Variants in WDR27 observed in about 807,000 individuals in gnomAD.
WDR27 encodes the protein WD repeat-containing protein 27.
A neutral mutation model predicts 114.4 loss-of-function variants in WDR27; 100 were observed. The observed-to-expected ratio is 0.87, with a 90% CI of 0.74 to 1.03. The LOEUF (loss-of-function observed/expected upper bound fraction) is 1.03. Among genes scored for constraint, WDR27 ranks in the 50% least tolerant of loss-of-function variants. The pLI is 0.00. For missense variants in WDR27, 1,129 were observed against 1,092.9 expected, an observed-to-expected ratio of 1.03 and a Z score of -0.47; for synonymous variants, 449 against 423.1, an observed-to-expected ratio of 1.06 and a Z score of -0.75.
chr6:169,682,414 C>G (rs1313992852), intron 2 of WDR27, among the ~76,000 whole-genome samples: 1 of 152,338 alleles, frequency 6.6e-6, no homozygotes, highest in South Asian at 2.1e-4. Flanking sequence ...AGCCCCAGTA[C>G]CCACGCTGAG....
Position 169,651,178 on chromosome 6 carries a change from CGGGGCG to C in WDR27, c.1481+746_1481+751del, listed in dbSNP as rs1257589349. Among the ~76,000 whole-genome samples, 3 of 3,398 alleles carry C rather than the reference CGGGGCG, an allele frequency of 8.8e-4. No homozygotes were observed. The East Asian group carries it at 0.023, about 26-fold the overall frequency. The allele number at this position is 3,398 out of a possible 152,430, so 2.2% of individuals were successfully genotyped here. A position where few individuals can be genotyped will look rare whatever the true frequency, so the allele number is the denominator to read the frequency against. On this transcript the variant is annotated intron_variant, in intron 14 of 25. Coordinates refer to ENST00000448612, the MANE Select transcript of WDR27 (RefSeq NM_182552.5). ...GATTTCTGCCTGGAGCACAGCAGTG[CGGGGCG>C]GGGGGGGGGAGTGGGGGAGTGGGGG...
At chr6:169,438,485 C>G in the WDR27 span, among the ~76,000 whole-genome samples, 1 of 152,176 alleles carries the variant, frequency 6.6e-6, no homozygotes, top group Admixed American at 6.5e-5. Flanking sequence ...GATCTGCCCA[C>G]CTCGGCCTCC....
chr6:169,575,209 C>CCCAT (rs1802053493), intron 24 of WDR27, among the ~76,000 whole-genome samples: 1 of 151,034 alleles, frequency 6.6e-6, no homozygotes. Flanking sequence ...CATCCATCCA[C>CCCAT]CCATCCATCC....
chr6:169,427,928 A>C, the WDR27 span, among the ~76,000 whole-genome samples: 17 of 152,022 alleles, frequency 1.1e-4, no homozygotes, highest in East Asian at 1.9e-4. Context: ...TCTTTTTCAC[A>C]TCCTTGCTCC....
At chr6:169,668,578 C>A (rs1828537012) in intron 4 of WDR27, 1 of 177,562 alleles carries the variant, frequency 5.6e-6, no homozygotes. Flanking sequence ...CAAGACAGCA[C>A]CCCAGAAGTC....
chr6:169,675,381 C>G (rs998395782), intron 2 of WDR27, among the ~76,000 whole-genome samples: 1 of 152,170 alleles, frequency 6.6e-6, no homozygotes, highest in African/African-American at 2.4e-5. Flanking sequence ...GAGGCCCTCA[C>G]CAGAAGCCAA....
intron 2 of WDR27, among the ~76,000 whole-genome samples, chr6:169,676,780 C>T (rs1780181324): frequency 6.6e-6 from 1 of 152,126 alleles, no homozygotes; most frequent in South Asian, 2.1e-4. Flanking sequence ...GACCTGGAAG[C>T]CCCCACTTTG....
At chr6:169,474,035 C>G (rs1786800932) in intron 25 of WDR27, among the ~76,000 whole-genome samples, 1 of 152,230 alleles carries the variant, frequency 6.6e-6, no homozygotes, top group Non-Finnish European at 1.5e-5. Context: ...GGCTGAAAGG[C>G]AAGCTATGAA....
At chr6:169,579,711 C>T (rs1803050359) in intron 24 of WDR27, among the ~76,000 whole-genome samples, 1 of 152,178 alleles carries the variant, frequency 6.6e-6, no homozygotes. Flanking sequence ...ATGAATAGCC[C>T]ACCCCTTATG....
intron 25 of WDR27, among the ~76,000 whole-genome samples, chr6:169,550,200 T>C (rs1261556961): frequency 4.6e-5 from 7 of 152,186 alleles, no homozygotes. Flanking sequence ...TTTGTTTAAG[T>C]AAACTTTCAG....
intron 16 of WDR27, chr6:169,647,529 A>T: frequency 1.7e-6 from 1 of 587,884 alleles, no homozygotes; most frequent in Non-Finnish European, 3.1e-6. Flanking sequence ...ATTCGCTGCT[A>T]GTGAGTGAGT....
At chr6:169,675,594 T>A (rs951451888) in intron 2 of WDR27, among the ~76,000 whole-genome samples, 9 of 152,122 alleles carry the variant, frequency 5.9e-5, no homozygotes, top group Non-Finnish European at 1.2e-4. Context: ...CAAATACACT[T>A]AAGAAATACA....
chr6:169,435,595 A>T, the WDR27 span, among the ~76,000 whole-genome samples: 1 of 152,216 alleles, frequency 6.6e-6, no homozygotes, highest in Admixed American at 6.5e-5. Flanking sequence ...TGACTGCCCC[A>T]CTGGATTTCA....
chr6:169,650,544 T>C (rs1460330164), intron 14 of WDR27, among the ~76,000 whole-genome samples: 17 of 96,936 alleles, frequency 1.8e-4, no homozygotes, highest in South Asian at 4.1e-4. Context: ...ATCCCTCCAT[T>C]CCTTCATCCC....
At chr6:169,483,032 G>A (rs1788404545) in intron 25 of WDR27, among the ~76,000 whole-genome samples, 1 of 152,118 alleles carries the variant, frequency 6.6e-6, no homozygotes, top group Non-Finnish European at 1.5e-5. Context: ...ACAAGCTAAA[G>A]CAGTATTAAG....
At position 169,657,016 on chromosome 6, in the gene WDR27, C is replaced by T. The variant is rs1824395249; in HGVS notation, c.1402+1260G>A. On this transcript the variant is annotated intron_variant, in intron 13 of 25. Coordinates refer to ENST00000448612, the MANE Select transcript of WDR27 (RefSeq NM_182552.5). ...CAGAACTGTCCCCATGGTGATGGGA[C>T]GGCAGCAGAGCATAAACCGGCAGGA... Among the ~76,000 whole-genome samples the T allele has an allele frequency of 5.9e-5, 9 of 152,218 alleles. No individual in the cohort carries two copies. The South Asian group carries it at 1.0e-3, about 18-fold the overall frequency.
chr6:169,626,731 A>G (rs2128207576), intron 21 of WDR27, among the ~76,000 whole-genome samples: 1 of 152,316 alleles, frequency 6.6e-6, no homozygotes, highest in East Asian at 1.9e-4. Context: ...TCCACAACAG[A>G]GCACTTCCTT....
At chr6:169,509,599 C>A (rs1231627819) in intron 25 of WDR27, among the ~76,000 whole-genome samples, 1 of 151,526 alleles carries the variant, frequency 6.6e-6, no homozygotes, top group Non-Finnish European at 1.5e-5. Context: ...GAAACTGGAT[C>A]CCTTCCTTAC....
rs767438379 is a variant in WDR27 at position 169,651,916 on chromosome 6, A to C, written c.1481+14T>G. The C allele has an allele frequency of 4.3e-6, 7 of 1,610,502 alleles. No individual in the cohort carries two copies. In the East Asian group the frequency reaches 1.6e-4, roughly 36 times the overall value. On this transcript the variant is annotated intron_variant, in intron 14 of 25. Transcript: ENST00000448612. ...AGGTGCATTTCTGTCTCTCATTGAC[A>C]TGAGTTCACTCACTGTGGTGCTGAC...
Sources: allele counts gnomAD v4.1 joint callset (sites outside exome capture counted in the v4.1 genomes callset), GRCh38; gene constraint gnomAD v4.1.1; transcripts MANE v1.5; gene names NCBI Gene and HGNC (gene_info 2026-07-23, HGNC 2026-07-21).